KCNH6: variants seen among roughly 807,000 people sequenced by gnomAD.
KCNH6 encodes the protein potassium voltage-gated channel subfamily H member 6, also known as voltage-gated inwardly rectifying potassium channel KCNH6.
In KCNH6, 81 loss-of-function variants were observed where a neutral mutation model predicts 83.4. That is an observed-to-expected ratio of 0.97 (90% CI 0.81 to 1.17). KCNH6 has a LOEUF of 1.17. Among genes scored for constraint, KCNH6 ranks in the 50% most tolerant of loss-of-function variants. The probability of loss-of-function intolerance (pLI) is 0.00; values close to 1 mark genes in which losing one functional copy is unlikely to be tolerated. For missense variants in KCNH6, 1,203 were observed against 1,290.5 expected (o/e 0.93, Z 1.04); for synonymous variants, 503 against 545.6 (o/e 0.92, Z 1.09).
intron 8 of KCNH6, among the ~76,000 whole-genome samples, chr17:63,542,009 G>A (rs1320925039): frequency 1.3e-5 from 2 of 152,186 alleles, no homozygotes; most frequent in African/African-American, 4.8e-5. Flanking sequence ...GACAGTGAGA[G>A]GAGCCACACG....
intron 2 of KCNH6, among the ~76,000 whole-genome samples, chr17:63,526,954 G>C (rs1302003304): frequency 6.6e-6 from 1 of 152,176 alleles, no homozygotes; most frequent in African/African-American, 2.4e-5. Flanking sequence ...GAACCTAACA[G>C]ATAAGGAGGA....
Position 63,524,215 on chromosome 17 carries a change from C to T in KCNH6, c.153C>T (p.Leu51=). The part of the protein sequence containing the change: ...IIYCNDGFCE[L]FGYSRVEVMQ... ...ACTGCAACGACGGCTTCTGCGAACT[C>T]TTCGGCTACTCCCGAGTGGAGGTGA... is the stretch of plus-strand genomic sequence containing the variant. The change falls in exon 2 of 13, where the codon CTC becomes CTT. Residue 51 remains leucine, a synonymous_variant. Transcript: ENST00000314672. 3.1e-6 allele frequency: 5 copies of T among 1,614,234 alleles called. No homozygotes were observed. The highest frequency in any genetic ancestry group is 4.2e-6 in the Non-Finnish European group (5 of 1,180,048).
intron 8 of KCNH6, among the ~76,000 whole-genome samples, chr17:63,540,897 A>C (rs1438835774): frequency 1.3e-5 from 2 of 152,066 alleles, no homozygotes; most frequent in Non-Finnish European, 2.9e-5. Context: ...TTCTGTCCTG[A>C]CTGCCTTTCT....
intron 4 of KCNH6, among the ~76,000 whole-genome samples, chr17:63,531,128 G>A (rs757403425): frequency 3.3e-5 from 5 of 152,156 alleles, no homozygotes; most frequent in Non-Finnish European, 5.9e-5. Context: ...GCTCCTCCTT[G>A]GCCACCCCAA....
In KCNH6 at chr17:63,523,358, G is replaced by T. The variant is rs569640639; in HGVS notation, c.-56G>T. 7.1e-5 allele frequency: 106 copies of T among 1,491,138 alleles called. 3 individuals carry two copies. The South Asian group carries it at 1.3e-3, about 18-fold the overall frequency. The allele number at this position is 1,491,138 out of a possible 1,614,324, so 92.4% of individuals were successfully genotyped here. On this transcript the variant is annotated 5_prime_UTR_variant, in exon 1 of 13. Transcript: ENST00000314672. This position sits in a 1 kb window ranked among gnomAD's most constrained non-coding sequence, Gnocchi z 4.2. ...GACGCTGCTGAGCCCGAGGACAGAC[G>T]GAGACGCCGGGAGCCAGTGGCGCCT...
At chr17:63,527,207 C>A (rs1011497998) in intron 2 of KCNH6, among the ~76,000 whole-genome samples, 1 of 152,158 alleles carries the variant, frequency 6.6e-6, no homozygotes, top group African/African-American at 2.4e-5. Context: ...GAGGATGGGA[C>A]AAGGGGCTGC....
intron 2 of KCNH6, among the ~76,000 whole-genome samples, chr17:63,525,386 C>A (rs189381816): frequency 2.3e-4 from 35 of 152,310 alleles, no homozygotes; most frequent in African/African-American, 8.2e-4. Context: ...AGAGAAAGGA[C>A]CCCAGCTGCC....
At chr17:63,547,345 A>G (rs1459738243), downstream of KCNH6, among the ~76,000 whole-genome samples, 2 of 28,414 alleles carry the variant, frequency 7.0e-5, no homozygotes, top group Admixed American at 3.3e-4. Flanking sequence ...GGTTACAGTA[A>G]GCCGTGATTG....
Position 63,546,003 on chromosome 17 carries a change from G to GTGCTGGGATTA in KCNH6, c.*101_*102insTGCTGGGATTA. 8.8e-7 allele frequency: 1 copy of GTGCTGGGATTA among 1,138,032 alleles called. No individual in the cohort carries two copies. Among genetic ancestry groups the GTGCTGGGATTA allele is most frequent in the Non-Finnish European group, 1.3e-6 (1 of 794,736 alleles). The allele number at this position is 1,138,032 out of a possible 1,614,324, so 70.5% of individuals were successfully genotyped here. A position where few individuals can be genotyped will look rare whatever the true frequency, so the allele number is the denominator to read the frequency against. ...GTGCAGTGGCTCGCCTGTAATCCCAGCACTTTGGGAGGCCGAGGCGGGCGG... is the reference window on the plus strand; with the variant it reads ...GTGCAGTGGCTCGCCTGTAATCCCAGTGCTGGGATTACACTTTGGGAGGCCGAGGCGGGCGG... On this transcript the variant is annotated 3_prime_UTR_variant, in exon 13 of 13. Transcript: ENST00000314672.
intron 8 of KCNH6, among the ~76,000 whole-genome samples, chr17:63,540,162 C>T (rs1048545773): frequency 6.6e-5 from 10 of 152,174 alleles, no homozygotes; most frequent in Non-Finnish European, 1.3e-4. Context: ...TGGCCAGGCA[C>T]GGTGGCTCAT....
rs7221517 is a variant in KCNH6, at chr17:63,530,347, T to C, written c.480T>C (p.His160=). 0.33 allele frequency: 532,878 copies of C among 1,613,864 alleles called. 90,144 individuals carry two copies. Among genetic ancestry groups the C allele is most frequent in the Middle Eastern group, 0.44 (2,664 of 6,062 alleles). ...SQSFLGSEGS[H]GRPGGPGPGT... Reference sequence around the variant, plus strand: ...TGGCCCTGGTTTCAGAGGGCTCTCATGGCAGGCCAGGCGGACCAGGGCCAG... The same window carrying C: ...TGGCCCTGGTTTCAGAGGGCTCTCACGGCAGGCCAGGCGGACCAGGGCCAG... Residue 160 remains histidine (H), a synonymous_variant, in exon 4 of 13, where the codon CAT becomes CAC. Coordinates refer to ENST00000314672, the MANE Select transcript of KCNH6 (RefSeq NM_001278919.2).
chr17:63,546,001 C>T lies in KCNH6; in HGVS notation c.*99C>T, dbSNP rs1182752965. 1.4e-5 allele frequency: 17 copies of T among 1,176,588 alleles called. No homozygotes were observed. The East Asian group carries it at 1.4e-4, about 10-fold the overall frequency. The allele number at this position is 1,176,588 out of a possible 1,614,324, so 72.9% of individuals were successfully genotyped here. A position where few individuals can be genotyped will look rare whatever the true frequency, so the allele number is the denominator to read the frequency against. On this transcript the variant is annotated 3_prime_UTR_variant, in exon 13 of 13. Coordinates refer to ENST00000314672, the MANE Select transcript of KCNH6 (RefSeq NM_001278919.2). ...GGGTGCAGTGGCTCGCCTGTAATCC[C>T]AGCACTTTGGGAGGCCGAGGCGGGC...
intron 2 of KCNH6, among the ~76,000 whole-genome samples, chr17:63,529,123 C>T (rs1477326810): frequency 6.6e-6 from 1 of 152,234 alleles, no homozygotes; most frequent in Non-Finnish European, 1.5e-5. Context: ...GCATGAGCCA[C>T]CACGCCCGGC....
chr17:63,536,184 A>G (rs1387506712), intron 6 of KCNH6, 116 bp downstream of exon 6: 2 of 937,450 alleles, frequency 2.1e-6, no homozygotes, highest in Non-Finnish European at 3.3e-6. Context: ...CATGCAGTAC[A>G]CTGATCCTAA....
intron 4 of KCNH6, among the ~76,000 whole-genome samples, chr17:63,532,215 A>C (rs1263077690): frequency 2.6e-5 from 4 of 151,116 alleles, no homozygotes; most frequent in African/African-American, 7.3e-5. Flanking sequence ...TCTCCCTCCC[A>C]CTCCCCACCC....
chr17:63,532,693 T>A (rs532612142), intron 4 of KCNH6, among the ~76,000 whole-genome samples: 1 of 152,178 alleles, frequency 6.6e-6, no homozygotes, highest in African/African-American at 2.4e-5. Flanking sequence ...ATCTGCTAAT[T>A]GATTTGGTTT....
chr17:63,546,182 G>A lies in KCNH6; in HGVS notation c.*280G>A, dbSNP rs549862181. ...ATGAACCCGGGAGGTGGAGGTTGCAGGGAGCCGAGGCCGCACCACTGCACT... is the reference window on the plus strand; with the variant it reads ...ATGAACCCGGGAGGTGGAGGTTGCAAGGAGCCGAGGCCGCACCACTGCACT... On this transcript the variant is annotated 3_prime_UTR_variant, in exon 13 of 13. Transcript: ENST00000314672. The A allele has an allele frequency of 2.7e-4, 87 of 319,454 alleles. No individual in the cohort carries two copies. The highest frequency in any genetic ancestry group is 1.9e-3 in the Middle Eastern group (2 of 1,066). 19.8% of individuals were successfully genotyped at this position (319,454 alleles called of 1,614,324 possible).
chr17:63,527,020 A>C (rs2031760424), intron 2 of KCNH6, among the ~76,000 whole-genome samples: 1 of 151,962 alleles, frequency 6.6e-6, no homozygotes, highest in Non-Finnish European at 1.5e-5. Context: ...AAAGGAGAGC[A>C]CTCAGATCCC....
At chr17:63,536,948 G>T (rs1158308003) in intron 6 of KCNH6, among the ~76,000 whole-genome samples, 3 of 54,576 alleles carry the variant, frequency 5.5e-5, no homozygotes, top group African/African-American at 1.8e-4. Context: ...GCAAGACTCC[G>T]TCTCAAAAAA....
Sources: gnomAD v4.1 joint callset for allele counts (sites outside exome capture counted in the v4.1 genomes callset) on GRCh38, gnomAD v4.1.1 for gene constraint, Gnocchi (gnomAD v3.1) non-coding constraint, MANE v1.5 for transcripts, NCBI Gene and HGNC (gene_info 2026-07-23, HGNC 2026-07-21) for gene names.